DTNA: variants seen among roughly 807,000 people sequenced by gnomAD.
DTNA encodes the protein dystrophin-related protein 3.
Under a neutral mutation model 100.7 loss-of-function variants are expected in DTNA, and 43 were observed. The ratio of observed to expected loss-of-function variants is 0.43; its 90% confidence interval spans 0.33 to 0.55. The LOEUF is 0.55. Ranked by LOEUF, DTNA falls within the 20% of genes least tolerant of loss-of-function variation. The pLI, the probability that DTNA is intolerant of heterozygous loss-of-function variation, is 0.04. For synonymous variants in DTNA, 349 were observed against 347.9 expected (o/e 1.00, Z -0.04); for missense variants, 798 against 953.9 (o/e 0.84, Z 2.15).
Position 34,875,303 on chromosome 18 carries a change from C to A in DTNA, c.1808C>A (p.Pro603His). ...SHTISRPIPM[P>H]IRSASACSTP... is the part of the protein sequence containing the mutation. ...ACCATCAGCAGGCCAATTCCCATGCCCATCCGGTCAGCGTCAGCCTGCTCC... is the reference window on the plus strand; with the variant it reads ...ACCATCAGCAGGCCAATTCCCATGCACATCCGGTCAGCGTCAGCCTGCTCC... Residue 603 changes from proline (P) to histidine (H), a missense_variant, in exon 18 of 23, where the codon CCC becomes CAC. Pro to His is a moderately conservative substitution (Grantham distance 77). Coordinates refer to ENST00000444659, the MANE Select transcript of DTNA (RefSeq NM_001386795.1). 1 of 1,614,236 alleles carries A rather than the reference C, an allele frequency of 6.2e-7. No individual in the cohort carries two copies. Among genetic ancestry groups the A allele is most frequent in the South Asian group, 1.1e-5 (1 of 91,086 alleles).
At chr18:34,664,789 A>C (rs2075673059) in intron 1 of DTNA, among the ~76,000 whole-genome samples, 1 of 152,110 alleles carries the variant, frequency 6.6e-6, no homozygotes, top group African/African-American at 2.4e-5. Flanking sequence ...AAAGTTTATA[A>C]GTTTTCATTT....
At chr18:34,626,550 CT>C (rs1259427463) in intron 1 of DTNA, among the ~76,000 whole-genome samples, 2 of 152,076 alleles carry the variant, frequency 1.3e-5, no homozygotes, top group African/African-American at 4.8e-5. Flanking sequence ...GTCATTACAC[CT>C]TTAATACCTG....
At chr18:34,883,851 T>G (rs2150432275) in intron 21 of DTNA, among the ~76,000 whole-genome samples, 1 of 152,298 alleles carries the variant, frequency 6.6e-6, no homozygotes, top group East Asian at 1.9e-4. Flanking sequence ...ACGACCACAT[T>G]TCAGAAGCAA....
Position 34,815,895 on chromosome 18 carries a change from G to T in DTNA, c.604-14G>T, listed in dbSNP as rs397517447. ...ATTCTCTGTCCTAAATTTATGGGGG[G>T]TTTTTTTATGCAGAAAAAAGTCACG... On this transcript the variant is annotated splice_polypyrimidine_tract_variant and intron_variant, in intron 6 of 22. Transcript: ENST00000444659. 2,584 of 1,607,970 alleles carry T rather than the reference G, an allele frequency of 1.6e-3. 6 individuals are homozygous for T. Among genetic ancestry groups the T allele is most frequent in the Middle Eastern group, 0.013 (81 of 6,046 alleles).
intron 1 of DTNA, among the ~76,000 whole-genome samples, chr18:34,523,790 A>G (rs1037670317): frequency 1.3e-5 from 2 of 152,190 alleles, no homozygotes; most frequent in Admixed American, 6.5e-5. Context: ...CTATTTTATA[A>G]TGAGACAATA....
chr18:34,845,761 T>G (rs1363557625), intron 13 of DTNA, among the ~76,000 whole-genome samples: 1 of 152,240 alleles, frequency 6.6e-6, no homozygotes, highest in Non-Finnish European at 1.5e-5. Flanking sequence ...AATGCAGACA[T>G]TATTTTATAA....
At chr18:34,609,114 C>G (rs1399034819) in intron 1 of DTNA, among the ~76,000 whole-genome samples, 1 of 152,154 alleles carries the variant, frequency 6.6e-6, no homozygotes, top group African/African-American at 2.4e-5. Context: ...AGGAGCTAAG[C>G]CCACACAATT....
At chr18:34,586,264 A>G (rs2049124071) in intron 1 of DTNA, among the ~76,000 whole-genome samples, 1 of 152,176 alleles carries the variant, frequency 6.6e-6, no homozygotes, top group Admixed American at 6.5e-5. Context: ...TTGGTTCCCA[A>G]TGTGGTGGTG....
At chr18:34,494,201 T>C (rs1363447278) in intron 1 of DTNA, among the ~76,000 whole-genome samples, 2 of 151,938 alleles carry the variant, frequency 1.3e-5, no homozygotes, top group Admixed American at 6.6e-5. Context: ...GTGGAGTGTC[T>C]ACCTCCATTA....
intron 1 of DTNA, among the ~76,000 whole-genome samples, chr18:34,529,874 A>C (rs1478927627): frequency 6.6e-6 from 1 of 152,156 alleles, no homozygotes; most frequent in Admixed American, 6.6e-5. Context: ...ATGGAATGTG[A>C]GAATATGCTT....
intron 1 of DTNA, among the ~76,000 whole-genome samples, chr18:34,507,462 T>C (rs1431318843): frequency 6.6e-6 from 1 of 152,206 alleles, no homozygotes; most frequent in African/African-American, 2.4e-5. Context: ...AAAATAAATG[T>C]TCTGATTTGT....
chr18:34,687,749 C>T (rs1043121362), intron 1 of DTNA, among the ~76,000 whole-genome samples: 1 of 151,996 alleles, frequency 6.6e-6, no homozygotes, highest in Non-Finnish European at 1.5e-5. Flanking sequence ...TTAAAGTCTC[C>T]CACTATTATT....
rs2095495327 is a variant in DTNA at position 34,811,954 on chromosome 18, A to G, written c.449-5A>G. On this transcript the variant is annotated splice_polypyrimidine_tract_variant and splice_region_variant and intron_variant, in intron 5 of 22. Transcript: ENST00000444659. ...GAATAATATCTTTCCTTTTCCTTTC[A>G]TCAGATATTTTCTCAATGATTTCTG... The G allele has an allele frequency of 1.2e-6, 2 of 1,613,912 alleles. No homozygotes were observed. The highest frequency in any genetic ancestry group is 4.5e-5 in the East Asian group (2 of 44,864).
chr18:34,589,673 A>G (rs544361117), intron 1 of DTNA, among the ~76,000 whole-genome samples: 10 of 152,154 alleles, frequency 6.6e-5, no homozygotes, highest in Non-Finnish European at 5.9e-5. Context: ...ACCGGTATAC[A>G]ATACAATATT....
At chr18:34,676,667 T>C (rs2077438352) in intron 1 of DTNA, among the ~76,000 whole-genome samples, 1 of 152,072 alleles carries the variant, frequency 6.6e-6, no homozygotes. Flanking sequence ...AAATCTCATC[T>C]CTACAAAACA....
intron 1 of DTNA, among the ~76,000 whole-genome samples, chr18:34,691,913 CAT>C (rs1401237863): frequency 5.3e-5 from 8 of 152,228 alleles, no homozygotes; most frequent in Non-Finnish European, 1.5e-5. Context: ...TCTCATGGAT[CAT>C]AGTTATGTGT....
At position 34,526,577 on chromosome 18, in the gene DTNA, G is replaced by T. The variant is rs533486410; in HGVS notation, c.-2+33063G>T. ...CTGTTATTAGAATTAATGAATAACA[G>T]AAAACGGCCGTGTCCCTATACTTAC... On this transcript the variant is annotated intron_variant, in intron 1 of 19. Coordinates refer to the DTNA transcript ENST00000283365. 2.7e-5 allele frequency among the ~76,000 whole-genome samples: 4 copies of T among 150,352 alleles called. No homozygotes were observed. The East Asian group carries it at 8.2e-4, about 31-fold the overall frequency.
chr18:34,863,462 T>C (rs1010286772), intron 16 of DTNA, among the ~76,000 whole-genome samples: 2 of 152,244 alleles, frequency 1.3e-5, no homozygotes, highest in Admixed American at 6.5e-5. Context: ...GTGCTGTTAA[T>C]ATCTCACCTC....
intron 6 of DTNA, among the ~76,000 whole-genome samples, chr18:34,812,319 C>A (rs1279546010): frequency 6.6e-6 from 1 of 152,130 alleles, no homozygotes; most frequent in East Asian, 1.9e-4. Flanking sequence ...TGTTTACTGA[C>A]CATGAGGCAG....
Sources: gnomAD v4.1 joint callset for allele counts (sites outside exome capture counted in the v4.1 genomes callset) on GRCh38, gnomAD v4.1.1 for gene constraint, MANE v1.5 for transcripts, NCBI Gene and HGNC (gene_info 2026-07-23, HGNC 2026-07-21) for gene names.